Variants in HPS3 observed in about 807,000 individuals in gnomAD.
HPS3 encodes HPS3 biogenesis of lysosomal organelles complex 2 subunit 1, also known as BLOC-2 complex member HPS3.
HPS3 carries 79 observed loss-of-function variants against 110.9 expected under a neutral mutation model. The observed-to-expected ratio is 0.71, with a 90% CI of 0.59 to 0.86. HPS3 has a LOEUF of 0.86. Ranked by LOEUF, HPS3 falls within the 40% of genes least tolerant of loss-of-function variation. The probability of loss-of-function intolerance (pLI) is 0.00; values close to 1 mark genes in which losing one functional copy is unlikely to be tolerated. For missense variants in HPS3, 1,197 were observed against 1,206.2 expected, an observed-to-expected ratio of 0.99 and a Z score of 0.11; for synonymous variants, 428 against 451.0, an observed-to-expected ratio of 0.95 and a Z score of 0.65.
chr3:149,152,207 G>T (rs1268028431), intron 6 of HPS3, among the ~76,000 whole-genome samples: 3 of 152,048 alleles, frequency 2.0e-5, no homozygotes, highest in Non-Finnish European at 4.4e-5. Flanking sequence ...AAAAGTAACA[G>T]ATTAAAAAAA....
chr3:149,133,368 C>T (rs1289537368), intron 1 of HPS3, among the ~76,000 whole-genome samples: 3 of 151,982 alleles, frequency 2.0e-5, no homozygotes, highest in Non-Finnish European at 4.4e-5. Flanking sequence ...GGCGTGAACT[C>T]GGCTCACCAC....
At chr3:149,135,065 TC>T in intron 1 of HPS3, among the ~76,000 whole-genome samples, 1 of 152,238 alleles carries the variant, frequency 6.6e-6, no homozygotes, top group East Asian at 1.9e-4. Context: ...GCAAGTCTCC[TC>T]CTCAAAAATG....
At chr3:149,170,543 G>A (rs1724877135) in intron 16 of HPS3, 1 of 152,186 alleles carries the variant, frequency 6.6e-6, no homozygotes, top group Admixed American at 6.5e-5. Context: ...CTAGGACTTG[G>A]AAGATTAAGT....
intron 1 of HPS3, among the ~76,000 whole-genome samples, chr3:149,134,231 T>TA (rs1196849196): frequency 1.3e-5 from 2 of 152,228 alleles, no homozygotes; most frequent in Non-Finnish European, 2.9e-5. Context: ...TTTGGTATTA[T>TA]AAAATCTGTC....
At chr3:149,165,964 C>T (rs1193279765) in intron 14 of HPS3, 8 of 455,180 alleles carry the variant, frequency 1.8e-5, no homozygotes, top group Non-Finnish European at 3.5e-5. Context: ...CCTGGTCATT[C>T]CTTGGTAGAT....
chr3:149,161,907 T>C (rs1011268276), intron 11 of HPS3, among the ~76,000 whole-genome samples: 6 of 152,170 alleles, frequency 3.9e-5, no homozygotes, highest in Non-Finnish European at 5.9e-5. Flanking sequence ...TAGACCTAAA[T>C]ATAAAGCTCT....
At chr3:149,145,700 C>G (rs1468249986) in intron 5 of HPS3, among the ~76,000 whole-genome samples, 154 bp downstream of exon 5, 1 of 152,154 alleles carries the variant, frequency 6.6e-6, no homozygotes, top group African/African-American at 2.4e-5. Flanking sequence ...ATGACCCATA[C>G]CTGCCTTTTC....
chr3:149,167,813 T>G, intron 15 of HPS3, 80 bp from the exon 16 acceptor site: 1 of 886,958 alleles, frequency 1.1e-6, no homozygotes, highest in South Asian at 1.3e-5. Flanking sequence ...TGTGCTTTCC[T>G]GCACAATCTT....
chr3:149,170,541 TG>T (rs1327034223), intron 16 of HPS3: 1 of 152,158 alleles, frequency 6.6e-6, no homozygotes, highest in Non-Finnish European at 1.5e-5. Context: ...ACCTAGGACT[TG>T]GAAGATTAAG....
At chr3:149,139,124 T>TTA (rs1722285004) in intron 1 of HPS3, among the ~76,000 whole-genome samples, 1 of 152,352 alleles carries the variant, frequency 6.6e-6, no homozygotes, top group Admixed American at 6.5e-5. Flanking sequence ...ATTTGAATGC[T>TTA]TATCAGTAAG....
At chr3:149,153,697 T>A in intron 7 of HPS3, 49 bp downstream of exon 7, 3 of 1,553,572 alleles carry the variant, frequency 1.9e-6, no homozygotes, top group Non-Finnish European at 2.7e-6. Flanking sequence ...TGGAATGAGT[T>A]GTAACTGGTA....
At position 149,157,486 on chromosome 3, in the gene HPS3, A is replaced by G. The variant is rs1723527403; in HGVS notation, c.1646A>G (p.Glu549Gly). 1 of 1,613,764 alleles carries G rather than the reference A, an allele frequency of 6.2e-7. No individual in the cohort carries two copies. The highest frequency in any genetic ancestry group is 8.5e-7 in the Non-Finnish European group (1 of 1,179,870). Residue 549 changes from glutamate (E) to glycine (G), a missense_variant, in exon 9 of 17, where the codon GAA becomes GGA. Glu to Gly is a moderately conservative substitution (Grantham distance 98). Coordinates refer to ENST00000296051, the MANE Select transcript of HPS3 (RefSeq NM_032383.5). Reference protein sequence around the residue: ...LEPGEKAELLEAFKESCGHLG... With the variant: ...LEPGEKAELLGAFKESCGHLG... Reference sequence around the variant, plus strand: ...CCTGGAGAGAAGGCAGAGCTTTTGGAAGCATTTAAGGAAAGCTGTGGGCAC... The same window carrying G: ...CCTGGAGAGAAGGCAGAGCTTTTGGGAGCATTTAAGGAAAGCTGTGGGCAC...
At chr3:149,138,037 G>A (rs1189251618) in intron 1 of HPS3, among the ~76,000 whole-genome samples, 1 of 152,090 alleles carries the variant, frequency 6.6e-6, no homozygotes, top group African/African-American at 2.4e-5. Flanking sequence ...GAAGATGGAG[G>A]CCTCAACTTC....
intron 4 of HPS3, among the ~76,000 whole-genome samples, chr3:149,142,626 A>T (rs942467547): frequency 5.9e-5 from 9 of 151,986 alleles, no homozygotes; most frequent in African/African-American, 2.2e-4. Flanking sequence ...TACAAATATT[A>T]TTCCGATTAA....
intron 1 of HPS3, among the ~76,000 whole-genome samples, chr3:149,134,358 TTA>T (rs1319736669): frequency 2.0e-5 from 3 of 152,078 alleles, no homozygotes; most frequent in South Asian, 4.1e-4. Flanking sequence ...CTTTCAACTT[TTA>T]TATGTGTGTG....
chr3:149,142,332 A>G (rs1722527431), intron 4 of HPS3, among the ~76,000 whole-genome samples: 1 of 152,218 alleles, frequency 6.6e-6, no homozygotes, highest in African/African-American at 2.4e-5. Flanking sequence ...TATTTGGCCA[A>G]GCTTCTTATG....
chr3:149,142,011 C>T (rs924630484), intron 4 of HPS3, among the ~76,000 whole-genome samples: 5 of 151,798 alleles, frequency 3.3e-5, no homozygotes, highest in Non-Finnish European at 7.4e-5. Flanking sequence ...CCACCACGCC[C>T]AGCTAATTTT....
chr3:149,172,248 TG>T lies in HPS3; in HGVS notation c.*28del. The T allele has an allele frequency of 6.2e-7, 1 of 1,605,928 alleles. No individual in the cohort carries two copies. Among genetic ancestry groups the T allele is most frequent in the African/African-American group, 1.3e-5 (1 of 74,718 alleles). On this transcript the variant is annotated 3_prime_UTR_variant, in exon 17 of 17. Transcript: ENST00000296051. Reference sequence around the variant, plus strand: ...AGGTATCATTTGAAAAATACCATAATGGCATTTGAGACTGAATTTCTAAAAA... The same window carrying T: ...AGGTATCATTTGAAAAATACCATAATGCATTTGAGACTGAATTTCTAAAAA...
intron 16 of HPS3, among the ~76,000 whole-genome samples, chr3:149,171,021 G>A (rs1273404293): frequency 6.6e-6 from 1 of 152,034 alleles, no homozygotes; most frequent in Non-Finnish European, 1.5e-5. Context: ...GGCTCACGCC[G>A]GTAATCCCAG....
Sources: gnomAD v4.1 joint callset for allele counts (sites outside exome capture counted in the v4.1 genomes callset) on GRCh38, gnomAD v4.1.1 for gene constraint, MANE v1.5 for transcripts, NCBI Gene and HGNC (gene_info 2026-07-23, HGNC 2026-07-21) for gene names.